The following BAIAP2 variants were observed in gnomAD, a reference collection of about 807,000 sequenced individuals.
BAIAP2 encodes BAR/IMD domain containing adaptor protein 2.
A neutral mutation model predicts 63.0 loss-of-function variants in BAIAP2; 18 were observed. The ratio of observed to expected loss-of-function variants is 0.29; its 90% confidence interval spans 0.20 to 0.42. The LOEUF is 0.42. Among genes scored for constraint, BAIAP2 ranks in the 10% least tolerant of loss-of-function variants. The pLI, the probability that BAIAP2 is intolerant of heterozygous loss-of-function variation, is 1.00. For synonymous variants in BAIAP2, 386 were observed against 307.6 expected (o/e 1.25, Z -2.67); for missense variants, 610 against 734.3 (o/e 0.83, Z 1.96).
intron 2 of BAIAP2, among the ~76,000 whole-genome samples, chr17:81,055,574 G>GTTTTTTGTTTTTTTTTTGTTTTT (rs370775327): frequency 2.9e-4 from 36 of 123,402 alleles, no homozygotes; most frequent in African/African-American, 6.9e-4. Flanking sequence ...AGGGTGTTTT[G>GTTTTTTGTTTTTTTTTTGTTTTT]TTTTTTTTTG....
At chr17:81,113,470 C>T (rs1300490154) in intron 13 of BAIAP2, among the ~76,000 whole-genome samples, 2 of 152,220 alleles carry the variant, frequency 1.3e-5, no homozygotes, top group Admixed American at 6.5e-5. Flanking sequence ...CTCAGCACAG[C>T]GAGCTCCCCG....
At chr17:81,089,589 G>T (rs1191694933) in intron 6 of BAIAP2, among the ~76,000 whole-genome samples, 1 of 152,248 alleles carries the variant, frequency 6.6e-6, no homozygotes, top group Non-Finnish European at 1.5e-5. Context: ...CCCAACGGCT[G>T]CCACAGTCGT....
Position 81,037,053 on chromosome 17 carries a change from G to A in BAIAP2, c.54+1745G>A. Reference sequence around the variant, plus strand: ...AACCGGGCAGTAGGCCTTCACCTAGGTGAAGCTGTAATTTATCTGCAGGTC... The same window carrying A: ...AACCGGGCAGTAGGCCTTCACCTAGATGAAGCTGTAATTTATCTGCAGGTC... On this transcript the variant is annotated intron_variant, in intron 1 of 13. Coordinates refer to ENST00000428708, the MANE Select transcript of BAIAP2 (RefSeq NM_001144888.2). 2.8e-6 allele frequency: 3 copies of A among 1,065,600 alleles called. No homozygotes were observed. In the South Asian group the frequency reaches 4.2e-5, roughly 15 times the overall value. The allele number at this position is 1,065,600 out of a possible 1,614,324, so 66.0% of individuals were successfully genotyped here. A position where few individuals can be genotyped will look rare whatever the true frequency, so the allele number is the denominator to read the frequency against.
chr17:81,110,848 C>T, intron 13 of BAIAP2: 2 of 1,601,684 alleles, frequency 1.2e-6, no homozygotes, highest in South Asian at 1.1e-5. Context: ...GTGGTCCCCC[C>T]TCCTCTGCAC....
In BAIAP2 at chr17:81,104,692, C is replaced by T. The variant is rs548445360; in HGVS notation, c.1245C>T (p.Tyr415=). 1.5e-4 allele frequency: 243 copies of T among 1,592,970 alleles called. 2 individuals are homozygous for T. In the South Asian group the frequency reaches 1.9e-3, roughly 12 times the overall value. ...LVPEARDGWH[Y]GESEKTKMRG... is the part of the protein sequence containing the mutation. ...CTGAGGCCCGCGATGGCTGGCACTA[C>T]GGAGAGAGTGAGAAGACCAAGATGT... is the stretch of plus-strand genomic sequence containing the variant. Residue 415 remains tyrosine (Y), a synonymous_variant, in exon 10 of 14, where the codon TAC becomes TAT. Transcript: ENST00000428708.
chr17:81,108,201 T>G, intron 12 of BAIAP2: 1 of 510,488 alleles, frequency 2.0e-6, no homozygotes. Context: ...CAGTCTTGCA[T>G]CTGTTTGGGA....
In BAIAP2 at chr17:81,097,364, C is replaced by T. The variant is rs979166668; in HGVS notation, c.490-2564C>T. ...CTGGCCAGCAGGCAGAGCCAGTGCC[C>T]GGTGGTAGTGCTGGGACCGACCCAC... On this transcript the variant is annotated intron_variant, in intron 6 of 13. Coordinates refer to ENST00000428708, the MANE Select transcript of BAIAP2 (RefSeq NM_001144888.2). 9.2e-5 allele frequency among the ~76,000 whole-genome samples: 14 copies of T among 152,332 alleles called. No homozygotes were observed. The South Asian group carries it at 1.0e-3, about 11-fold the overall frequency.
Position 81,058,589 on chromosome 17 carries a change from G to T in BAIAP2, c.217+622G>T, listed in dbSNP as rs547762729. 4.6e-5 allele frequency among the ~76,000 whole-genome samples: 7 copies of T among 152,326 alleles called. No individual in the cohort carries two copies. In the South Asian group the frequency reaches 1.2e-3, roughly 27 times the overall value. On this transcript the variant is annotated intron_variant, in intron 3 of 13. Coordinates refer to ENST00000428708, the MANE Select transcript of BAIAP2 (RefSeq NM_001144888.2). ...GGTGGTGCTGAGGTTTCCTCTGCCCGCCTGGGAGACCCCGGGCCGGCTGCC... is the reference window on the plus strand; with the variant it reads ...GGTGGTGCTGAGGTTTCCTCTGCCCTCCTGGGAGACCCCGGGCCGGCTGCC...
chr17:81,065,173 T>C (rs2051247287), intron 3 of BAIAP2, among the ~76,000 whole-genome samples: 1 of 152,230 alleles, frequency 6.6e-6, no homozygotes. Flanking sequence ...AGTGGCCGGC[T>C]GGATCTGAGT....
At chr17:81,077,225 A>T (rs1056282847) in intron 3 of BAIAP2, among the ~76,000 whole-genome samples, 1 of 152,132 alleles carries the variant, frequency 6.6e-6, no homozygotes, top group Non-Finnish European at 1.5e-5. Context: ...TGAGCGCATG[A>T]TGCTGACGAT....
rs1218931858 is a variant in BAIAP2, at chr17:81,106,058, ACCTGGGG to A, written c.1269-16_1269-10del. 1 of 1,563,992 alleles carries A rather than the reference ACCTGGGG, an allele frequency of 6.4e-7. No individual in the cohort carries two copies. Among genetic ancestry groups the A allele is most frequent in the South Asian group, 1.2e-5 (1 of 84,928 alleles). On this transcript the variant is annotated splice_polypyrimidine_tract_variant and intron_variant, in intron 10 of 13. Coordinates refer to ENST00000428708, the MANE Select transcript of BAIAP2 (RefSeq NM_001144888.2). Reference sequence around the variant, plus strand: ...AGCCTCTGGGCTGAGCGTGGCTCTTACCTGGGGCCTCTCTTCCAGGCGGGGCTGGTTT... The same window carrying A: ...AGCCTCTGGGCTGAGCGTGGCTCTTACCTCTCTTCCAGGCGGGGCTGGTTT...
chr17:81,115,235 C>G (rs925080906), intron 13 of BAIAP2, among the ~76,000 whole-genome samples: 30 of 152,252 alleles, frequency 2.0e-4, no homozygotes, highest in Non-Finnish European at 2.6e-4. Context: ...GCCAGCTGCT[C>G]TGCAGGGCCC....
intron 1 of BAIAP2, chr17:81,036,913 T>A (rs972717885): frequency 6.5e-7 from 1 of 1,535,960 alleles, no homozygotes; most frequent in Admixed American, 2.0e-5. Context: ...TTTCTCCTTC[T>A]GCGCTGAAAC....
Position 81,109,546 on chromosome 17 carries a change from G to A in BAIAP2, c.1535+1037G>A, listed in dbSNP as rs370248827. 1.4e-4 allele frequency: 135 copies of A among 985,298 alleles called. No homozygotes were observed. The East Asian group carries it at 1.8e-3, about 13-fold the overall frequency. The allele number at this position is 985,298 out of a possible 1,614,324, so 61.0% of individuals were successfully genotyped here. ...AGGGAAGGTGCTGGGGTCCCTGGCC[G>A]CCCCGGCCCCTGTGGAGGGGTGCAC... On this transcript the variant is annotated intron_variant, in intron 13 of 13. Transcript: ENST00000428708.
Position 81,097,795 on chromosome 17 carries a change from C to T in BAIAP2, c.490-2133C>T, listed in dbSNP as rs564564602. 5.1e-5 allele frequency: 13 copies of T among 255,528 alleles called. 1 individual carries two copies. The highest frequency in any genetic ancestry group is 1.4e-4 in the East Asian group (2 of 14,706). The allele number at this position is 255,528 out of a possible 1,614,324, so 15.8% of individuals were successfully genotyped here. ...CCCTGCTGAAGCAGCTAGCCTCCTG[C>T]GGCCTCCCAGGAGGGGCCTGGGTGT... On this transcript the variant is annotated intron_variant, in intron 6 of 13. Coordinates refer to ENST00000428708, the MANE Select transcript of BAIAP2 (RefSeq NM_001144888.2).
At chr17:81,108,204 G>T in intron 12 of BAIAP2, 2 of 573,834 alleles carry the variant, frequency 3.5e-6, no homozygotes, top group East Asian at 2.9e-5. Flanking sequence ...TCTTGCATCT[G>T]TTTGGGAGTG....
intron 3 of BAIAP2, among the ~76,000 whole-genome samples, chr17:81,063,195 G>A (rs73365914): frequency 1.2e-4 from 18 of 152,222 alleles, no homozygotes; most frequent in African/African-American, 4.3e-4. Flanking sequence ...AATGTGAAAG[G>A]TCTGGAGCGT....
chr17:81,081,307 C>T (rs2054565248), intron 3 of BAIAP2, among the ~76,000 whole-genome samples: 1 of 152,200 alleles, frequency 6.6e-6, no homozygotes, highest in Non-Finnish European at 1.5e-5. Context: ...CGGGGTCCCA[C>T]CGTCTCAGGC....
intron 3 of BAIAP2, among the ~76,000 whole-genome samples, chr17:81,073,135 C>T (rs762969379): frequency 1.3e-5 from 2 of 152,124 alleles, no homozygotes; most frequent in Non-Finnish European, 2.9e-5. Flanking sequence ...GTGGGGCCTT[C>T]TGTCCCCATG....
Sources: gnomAD v4.1 joint callset for allele counts (sites outside exome capture counted in the v4.1 genomes callset) on GRCh38, gnomAD v4.1.1 for gene constraint, MANE v1.5 for transcripts, NCBI Gene and HGNC (gene_info 2026-07-23, HGNC 2026-07-21) for gene names.